Variants in PREX2 observed in about 807,000 individuals in gnomAD.
PREX2 encodes phosphatidylinositol-3,4,5-trisphosphate dependent Rac exchange factor 2.
PREX2 carries 107 observed loss-of-function variants against 203.2 expected under a neutral mutation model. That is an observed-to-expected ratio of 0.53 (90% CI 0.45 to 0.62). The LOEUF (loss-of-function observed/expected upper bound fraction) is 0.62, where lower values mean the gene tolerates loss of function less well. PREX2 is among the 20% of genes least tolerant of loss of function. PREX2 has a pLI of 0.00. For missense variants in PREX2, 1,777 were observed against 1,955.9 expected, an observed-to-expected ratio of 0.91 and a Z score of 1.72; for synonymous variants, 672 against 663.6, an observed-to-expected ratio of 1.01 and a Z score of -0.19.
chr8:68,006,596 C>T (rs1807104029), intron 1 of PREX2, among the ~76,000 whole-genome samples: 1 of 152,008 alleles, frequency 6.6e-6, no homozygotes, highest in Non-Finnish European at 1.5e-5. Flanking sequence ...TGCTGAGCCA[C>T]TTGGGGCCTC....
At chr8:68,138,682 A>C (rs1314280989) in intron 33 of PREX2, among the ~76,000 whole-genome samples, 165 bp downstream of exon 33, 1 of 152,150 alleles carries the variant, frequency 6.6e-6, no homozygotes, top group African/African-American at 2.4e-5. Context: ...CAGTATTTTA[A>C]AAGTTATATA....
intron 37 of PREX2, among the ~76,000 whole-genome samples, chr8:68,214,580 C>T (rs1812798998): frequency 6.6e-6 from 1 of 152,288 alleles, no homozygotes; most frequent in Admixed American, 6.5e-5. Flanking sequence ...AAACTGTGTG[C>T]CACCTTCCTG....
chr8:68,038,636 A>G (rs1345531180), intron 7 of PREX2, among the ~76,000 whole-genome samples: 2 of 151,684 alleles, frequency 1.3e-5, no homozygotes, highest in African/African-American at 4.8e-5. Flanking sequence ...TTTCCCAATC[A>G]TTTCCCCCTC....
chr8:68,122,223 C>T (rs930413910), intron 30 of PREX2, among the ~76,000 whole-genome samples: 2 of 152,036 alleles, frequency 1.3e-5, no homozygotes, highest in Admixed American at 1.3e-4. Context: ...AATATAACAA[C>T]TTATGTTTAG....
At chr8:68,136,261 G>GTT (rs149012455) in intron 32 of PREX2, among the ~76,000 whole-genome samples, 1 of 151,730 alleles carries the variant, frequency 6.6e-6, no homozygotes, top group Admixed American at 6.6e-5. Context: ...AAGCGGTGTG[G>GTT]TTTTTTTTCA....
At chr8:68,015,401 A>T (rs1807383671) in intron 1 of PREX2, among the ~76,000 whole-genome samples, 1 of 152,216 alleles carries the variant, frequency 6.6e-6, no homozygotes, top group Non-Finnish European at 1.5e-5. Context: ...TTTCATATAC[A>T]ATTAAACAAA....
At chr8:68,100,813 GA>G (rs1176861802) in intron 23 of PREX2, among the ~76,000 whole-genome samples, 1 of 152,172 alleles carries the variant, frequency 6.6e-6, no homozygotes, top group African/African-American at 2.4e-5. Context: ...TTAGGCTTTT[GA>G]AAGATCATGC....
intron 1 of PREX2, among the ~76,000 whole-genome samples, chr8:67,966,783 G>T (rs187505401): frequency 6.6e-6 from 1 of 152,292 alleles, no homozygotes; most frequent in East Asian, 1.9e-4. Context: ...TCCAATGATT[G>T]CTTTCAAAAT....
At chr8:68,058,960 G>T (rs779067851) in intron 10 of PREX2, among the ~76,000 whole-genome samples, 10 of 150,856 alleles carry the variant, frequency 6.6e-5, no homozygotes, top group Non-Finnish European at 1.3e-4. Context: ...GGTTTTGAAT[G>T]GTTCTCATTT....
intron 32 of PREX2, among the ~76,000 whole-genome samples, chr8:68,137,230 A>T (rs1469646145): frequency 6.7e-6 from 1 of 150,110 alleles, no homozygotes; most frequent in Non-Finnish European, 1.5e-5. Flanking sequence ...CAAATGCTGT[A>T]TACAACATGT....
intron 37 of PREX2, among the ~76,000 whole-genome samples, chr8:68,197,292 T>TG (rs1563583466): frequency 1.3e-5 from 2 of 152,254 alleles, no homozygotes; most frequent in East Asian, 3.9e-4. Context: ...AATTGGATCA[T>TG]GGGGGCAGTT....
At chr8:67,994,033 G>A (rs1806689164) in intron 1 of PREX2, among the ~76,000 whole-genome samples, 1 of 152,134 alleles carries the variant, frequency 6.6e-6, no homozygotes, top group Non-Finnish European at 1.5e-5. Flanking sequence ...ATAAATAGCT[G>A]AGAGATAATA....
At chr8:68,144,947 G>A (rs1267949370) in intron 33 of PREX2, among the ~76,000 whole-genome samples, 1 of 152,008 alleles carries the variant, frequency 6.6e-6, no homozygotes, top group Non-Finnish European at 1.5e-5. Context: ...CCATTTGTTA[G>A]CATAGAGGTT....
At chr8:68,081,067 G>A (rs562167019) in intron 17 of PREX2, among the ~76,000 whole-genome samples, 1 of 152,238 alleles carries the variant, frequency 6.6e-6, no homozygotes, top group East Asian at 1.9e-4. Flanking sequence ...GAGGTGGTGG[G>A]TATTCTATAG....
chr8:68,173,016 TAA>T (rs1167902129), intron 35 of PREX2, among the ~76,000 whole-genome samples: 2 of 152,202 alleles, frequency 1.3e-5, no homozygotes, highest in African/African-American at 4.8e-5. Context: ...CTTTAAAACC[TAA>T]TAACCTCTTT....
chr8:68,096,238 A>ATTTGTAGCTATTCTAGGAC (rs1171190183), intron 21 of PREX2, among the ~76,000 whole-genome samples: 3 of 152,180 alleles, frequency 2.0e-5, no homozygotes, highest in Non-Finnish European at 2.9e-5. Flanking sequence ...CTGGAAATTG[A>ATTTGTAGCTATTCTAGGAC]TTTGTAGCTA....
intron 1 of PREX2, among the ~76,000 whole-genome samples, chr8:67,968,150 A>G (rs1805828610): frequency 6.6e-6 from 1 of 151,952 alleles, no homozygotes; most frequent in Non-Finnish European, 1.5e-5. Context: ...CCCTATAGAA[A>G]TGACTCCCTT....
chr8:68,183,799 T>C (rs987731694), intron 35 of PREX2, among the ~76,000 whole-genome samples: 2 of 152,134 alleles, frequency 1.3e-5, no homozygotes, highest in African/African-American at 4.8e-5. Context: ...TCTCACAACA[T>C]CATTACATTT....
intron 1 of PREX2, among the ~76,000 whole-genome samples, chr8:67,960,650 G>A (rs1259405520): frequency 6.6e-6 from 1 of 152,176 alleles, no homozygotes; most frequent in Non-Finnish European, 1.5e-5. Context: ...GGAGAGGCAA[G>A]TATGGAGGTT....
Sources: allele counts gnomAD v4.1 joint callset (sites outside exome capture counted in the v4.1 genomes callset), GRCh38; gene constraint gnomAD v4.1.1; transcripts MANE v1.5; gene names NCBI Gene and HGNC (gene_info 2026-07-23, HGNC 2026-07-21).